IL36B: variants seen among roughly 807,000 people sequenced by gnomAD.
The protein encoded by IL36B is interleukin 36 beta.
Under a neutral mutation model 19.3 loss-of-function variants are expected in IL36B, and 23 were observed. The observed-to-expected ratio is 1.19, with a 90% CI of 0.86 to 1.69. The LOEUF (loss-of-function observed/expected upper bound fraction) is 1.69, where lower values mean the gene tolerates loss of function less well. Ranked by LOEUF, IL36B falls within the 40% of genes most tolerant of loss-of-function variation. The probability of loss-of-function intolerance (pLI) is 0.00; values close to 1 mark genes in which losing one functional copy is unlikely to be tolerated. For missense variants in IL36B, 217 were observed against 200.5 expected (o/e 1.08, Z -0.50); for synonymous variants, 59 against 59.7 (o/e 0.99, Z 0.05).
intron 4 of IL36B, chr2:113,027,917 C>T (rs370927566): frequency 6.2e-6 from 10 of 1,613,976 alleles, no homozygotes; most frequent in Non-Finnish European, 8.5e-6. Context: ...TCCACAGAAT[C>T]TAAGTAGAAG....
intron 2 of IL36B, 94 bp from the exon 3 acceptor site, chr2:113,031,249 A>G: frequency 1.2e-6 from 1 of 815,576 alleles, no homozygotes; most frequent in Non-Finnish European, 2.1e-6. Flanking sequence ...GAGTTTCTGG[A>G]GAGAGTCTCA....
chr2:113,048,602 C>T (rs1277364519), intron 1 of IL36B, among the ~76,000 whole-genome samples: 2 of 151,970 alleles, frequency 1.3e-5, no homozygotes, highest in African/African-American at 4.8e-5. Context: ...GTAAAACAAG[C>T]TCAAAGCAAG....
chr2:113,051,155 C>T (rs904181922), intron 1 of IL36B, among the ~76,000 whole-genome samples: 7 of 152,192 alleles, frequency 4.6e-5, no homozygotes, highest in South Asian at 2.1e-4. Flanking sequence ...CGGCAGGCCC[C>T]GCCGGAGGGG....
intron 1 of IL36B, among the ~76,000 whole-genome samples, chr2:113,050,796 G>A (rs933271270): frequency 2.0e-5 from 3 of 152,232 alleles, no homozygotes; most frequent in African/African-American, 7.2e-5. Flanking sequence ...AGAAAGCCGA[G>A]GAGAGCTGGG....
chr2:113,043,573 T>A (rs10175899), intron 1 of IL36B, among the ~76,000 whole-genome samples: 102,165 of 152,022 alleles, frequency 0.67, 34,502 homozygotes, highest in South Asian at 0.81. Flanking sequence ...TTGTTGTTGT[T>A]GTTTTTAAGA....
At chr2:113,037,611 T>C (rs1464822510) in intron 1 of IL36B, among the ~76,000 whole-genome samples, 1 of 150,832 alleles carries the variant, frequency 6.6e-6, no homozygotes, top group Non-Finnish European at 1.5e-5. Flanking sequence ...ATCACGCCAC[T>C]GCACTCCAAC....
At chr2:113,039,865 G>A (rs1685224560) in intron 1 of IL36B, among the ~76,000 whole-genome samples, 1 of 69,932 alleles carries the variant, frequency 1.4e-5, no homozygotes, top group Non-Finnish European at 2.5e-5. Flanking sequence ...GGGTCAGATA[G>A]CGAAGGGAAA....
chr2:113,025,952 G>A, intron 5 of IL36B: 7 of 1,282,982 alleles, frequency 5.5e-6, no homozygotes, highest in Non-Finnish European at 7.3e-6. Flanking sequence ...ACAGGGAAGT[G>A]AGAGAAGTCA....
intron 1 of IL36B, among the ~76,000 whole-genome samples, chr2:113,043,759 G>C (rs1685300173): frequency 6.6e-6 from 1 of 152,136 alleles, no homozygotes; most frequent in Non-Finnish European, 1.5e-5. Flanking sequence ...TCACCATGTT[G>C]GCCAGGCTTG....
At chr2:113,039,151 C>T (rs1685203962) in intron 1 of IL36B, among the ~76,000 whole-genome samples, 1 of 152,182 alleles carries the variant, frequency 6.6e-6, no homozygotes, top group Non-Finnish European at 1.5e-5. Flanking sequence ...GAGACTCACT[C>T]TGGTCATCTT....
chr2:113,045,165 T>A (rs1173727574), intron 1 of IL36B, among the ~76,000 whole-genome samples: 1 of 152,222 alleles, frequency 6.6e-6, no homozygotes. Flanking sequence ...TTCCATACAG[T>A]ATTATTTTCT....
intron 1 of IL36B, among the ~76,000 whole-genome samples, chr2:113,046,302 C>T (rs1254036994): frequency 1.3e-5 from 2 of 150,632 alleles, no homozygotes; most frequent in African/African-American, 2.5e-5. Context: ...CTCCACCTCC[C>T]GGGTTCATGC....
chr2:113,039,688 G>A (rs1167684488), intron 1 of IL36B, among the ~76,000 whole-genome samples: 1 of 152,148 alleles, frequency 6.6e-6, no homozygotes, highest in Non-Finnish European at 1.5e-5. Flanking sequence ...AAAAATTAAA[G>A]CATGGTAGGA....
intron 4 of IL36B, 40 bp downstream of exon 4, chr2:113,028,899 A>T: frequency 3.1e-6 from 5 of 1,600,948 alleles, no homozygotes; most frequent in Non-Finnish European, 4.3e-6. Flanking sequence ...TAGAAAGTCC[A>T]TATGACAGTA....
At position 113,050,003 on chromosome 2, in the gene IL36B, G is replaced by T. The variant is rs2105059464; in HGVS notation, c.-58+2814C>A. Among the ~76,000 whole-genome samples, 3 of 151,962 alleles carry T rather than the reference G, an allele frequency of 2.0e-5. No individual in the cohort carries two copies. The South Asian group carries it at 6.3e-4, about 32-fold the overall frequency. On this transcript the variant is annotated intron_variant, in intron 1 of 5. Transcript: ENST00000259213. ...GAAACTGGAACCCTTGTGCACTGTTGGTGGGAATGTAAAATGGTGCAACCA... is the reference window on the plus strand; with the variant it reads ...GAAACTGGAACCCTTGTGCACTGTTTGTGGGAATGTAAAATGGTGCAACCA...
At chr2:113,036,812 G>T (rs1685174485) in intron 1 of IL36B, among the ~76,000 whole-genome samples, 1 of 152,210 alleles carries the variant, frequency 6.6e-6, no homozygotes, top group Non-Finnish European at 1.5e-5. Flanking sequence ...TGATGTCGGA[G>T]GCCCAGCCTT....
intron 5 of IL36B, among the ~76,000 whole-genome samples, chr2:113,025,125 G>A (rs1684933305): frequency 6.6e-6 from 1 of 152,148 alleles, no homozygotes; most frequent in African/African-American, 2.4e-5. Context: ...AAAGCTCCTG[G>A]GGATACCCTT....
intron 1 of IL36B, among the ~76,000 whole-genome samples, chr2:113,051,466 T>C (rs1360478692): frequency 1.3e-5 from 2 of 151,696 alleles, no homozygotes. Context: ...TCACCTGCCC[T>C]GTGGACTGCC....
chr2:113,031,222 T>G, intron 2 of IL36B, 67 bp from the exon 3 acceptor site: 1 of 1,025,824 alleles, frequency 9.7e-7, no homozygotes, highest in Non-Finnish European at 1.5e-6. Context: ...AGTTGCATCC[T>G]GGTATTAATG....
Sources: allele counts gnomAD v4.1 joint callset (sites outside exome capture counted in the v4.1 genomes callset), GRCh38; gene constraint gnomAD v4.1.1; transcripts MANE v1.5; gene names NCBI Gene and HGNC (gene_info 2026-07-23, HGNC 2026-07-21).